STX8: variants seen among roughly 807,000 people sequenced by gnomAD.
The protein encoded by STX8 is syntaxin-8.
In STX8, 23 loss-of-function variants were observed where a neutral mutation model predicts 37.5. The ratio of observed to expected loss-of-function variants is 0.61; its 90% CI spans 0.44 to 0.87. The LOEUF is 0.87. Among genes scored for constraint, STX8 ranks in the 40% least tolerant of loss-of-function variants. The probability of loss-of-function intolerance (pLI) is 0.00; values close to 1 mark genes in which losing one functional copy is unlikely to be tolerated. For synonymous variants in STX8, 115 were observed against 99.1 expected, an observed-to-expected ratio of 1.16 and a Z score of -0.95; for missense variants, 313 against 284.7, an observed-to-expected ratio of 1.10 and a Z score of -0.71.
intron 6 of STX8, among the ~76,000 whole-genome samples, chr17:9,458,428 C>T (rs576177372): frequency 2.6e-5 from 4 of 152,016 alleles, no homozygotes; most frequent in African/African-American, 7.3e-5. Context: ...GGATTACAGG[C>T]GTGAGCCACC....
At position 9,557,868 on chromosome 17, in the gene STX8, T is replaced by C. The variant is rs1907042602; in HGVS notation, c.118-340A>G. The stretch of plus-strand genomic sequence containing the variant: ...CCCCATTGATCCTATGTATCTACCT[T>C]GGAACCACGCAGGAAATTGTGTTCC... On this transcript the variant is annotated intron_variant, in intron 2 of 7. Transcript: ENST00000306357. 1.3e-5 allele frequency among the ~76,000 whole-genome samples: 2 copies of C among 152,172 alleles called. 1 individual carries two copies. The highest frequency in any genetic ancestry group is 4.1e-4 in the South Asian group (2 of 4,826).
chr17:9,339,556 A>C (rs1312572830), intron 7 of STX8, among the ~76,000 whole-genome samples: 1 of 152,136 alleles, frequency 6.6e-6, no homozygotes, highest in Non-Finnish European at 1.5e-5. Flanking sequence ...TGGGAGGCTG[A>C]GGCAGGGGAA....
chr17:9,491,132 C>T (rs923745814), intron 6 of STX8, among the ~76,000 whole-genome samples: 3 of 152,150 alleles, frequency 2.0e-5, no homozygotes, highest in Admixed American at 6.6e-5. Context: ...GGACATCTCC[C>T]GCCGGCATCT....
chr17:9,448,560 T>C (rs1402837883), intron 6 of STX8, among the ~76,000 whole-genome samples: 1 of 152,360 alleles, frequency 6.6e-6, no homozygotes, highest in East Asian at 1.9e-4. Context: ...AGAAAATACA[T>C]GTATTCGGTA....
At chr17:9,320,117 G>A (rs938239677) in intron 7 of STX8, among the ~76,000 whole-genome samples, 1 of 151,644 alleles carries the variant, frequency 6.6e-6, no homozygotes, top group East Asian at 1.9e-4. Flanking sequence ...GGCAGATCAC[G>A]AGGTCAGGAG....
intron 6 of STX8, among the ~76,000 whole-genome samples, chr17:9,383,880 C>T (rs530647601): frequency 1.1e-4 from 16 of 152,198 alleles, no homozygotes; most frequent in African/African-American, 3.6e-4. Flanking sequence ...AGCCATATTA[C>T]ATACTCAGAA....
chr17:9,572,338 A>G (rs1597752268), intron 1 of STX8, among the ~76,000 whole-genome samples: 2 of 152,196 alleles, frequency 1.3e-5, no homozygotes, highest in South Asian at 4.1e-4. Context: ...GGGAGGTGCC[A>G]ATGACCTATG....
chr17:9,321,457 G>A (rs191230772), intron 7 of STX8, among the ~76,000 whole-genome samples: 241 of 152,102 alleles, frequency 1.6e-3, no homozygotes, highest in Non-Finnish European at 2.7e-3. Flanking sequence ...TTGAACCCAG[G>A]AGGTGGAGTT....
chr17:9,514,879 C>T (rs374128185), intron 4 of STX8, among the ~76,000 whole-genome samples: 14 of 152,270 alleles, frequency 9.2e-5, no homozygotes, highest in African/African-American at 2.6e-4. Context: ...AATCACCCTT[C>T]GCTGTACACA....
intron 7 of STX8, among the ~76,000 whole-genome samples, chr17:9,302,481 AT>A (rs1908822409): frequency 6.6e-6 from 1 of 152,008 alleles, no homozygotes; most frequent in Non-Finnish European, 1.5e-5. Context: ...ACCTATTCTT[AT>A]TTTTTTCTAT....
At chr17:9,293,765 CTTT>C (rs541071064) in intron 7 of STX8, among the ~76,000 whole-genome samples, 7 of 144,900 alleles carry the variant, frequency 4.8e-5, no homozygotes, top group African/African-American at 1.5e-4. Context: ...ATTTATAGTA[CTTT>C]TTTTTTTTTT....
intron 7 of STX8, among the ~76,000 whole-genome samples, chr17:9,327,262 G>GA (rs1469456147): frequency 1.5e-4 from 23 of 149,656 alleles, no homozygotes; most frequent in African/African-American, 4.7e-4. Flanking sequence ...GAGGAAGGAG[G>GA]AGGAGGAAGG....
chr17:9,292,717 C>T (rs1908358582), intron 7 of STX8, among the ~76,000 whole-genome samples: 1 of 152,214 alleles, frequency 6.6e-6, no homozygotes, highest in Non-Finnish European at 1.5e-5. Context: ...CTTACTAGGG[C>T]TTGCAGAATC....
At chr17:9,386,331 C>T (rs1912013398) in intron 6 of STX8, among the ~76,000 whole-genome samples, 2 of 152,106 alleles carry the variant, frequency 1.3e-5, no homozygotes, top group African/African-American at 4.8e-5. Flanking sequence ...AGAAAACAAT[C>T]ATTATATGCT....
At chr17:9,431,427 TTTGTTGTTG>T (rs147664582) in intron 6 of STX8, among the ~76,000 whole-genome samples, 6 of 148,716 alleles carry the variant, frequency 4.0e-5, no homozygotes, top group South Asian at 2.1e-4. Flanking sequence ...TAGCAGGGTT[TTTGTTGTTG>T]TTGTTGTTGT....
chr17:9,414,374 C>G (rs56346530), intron 6 of STX8, among the ~76,000 whole-genome samples: 1 of 151,414 alleles, frequency 6.6e-6, no homozygotes, highest in Non-Finnish European at 1.5e-5. Flanking sequence ...CAAAATACAA[C>G]AAAAATGATT....
chr17:9,546,479 C>CATGCGCATGG (rs1555536141), intron 3 of STX8, among the ~76,000 whole-genome samples: 34 of 542 alleles, frequency 0.063, no homozygotes, highest in Non-Finnish European at 0.01. Context: ...GAATGCGGCG[C>CATGCGCATGG]GTGCGCATGA....
chr17:9,265,965 C>A (rs945936282), intron 7 of STX8, among the ~76,000 whole-genome samples: 3 of 152,152 alleles, frequency 2.0e-5, no homozygotes, highest in South Asian at 2.1e-4. Context: ...GCACACACCC[C>A]CTTTCCCTCG....
intron 7 of STX8, among the ~76,000 whole-genome samples, chr17:9,376,024 C>T (rs879402434): frequency 2.0e-5 from 3 of 152,132 alleles, no homozygotes; most frequent in East Asian, 3.8e-4. Context: ...ATAGTCCATA[C>T]AACTGAATTT....
Sources: gnomAD v4.1 joint callset for allele counts (sites outside exome capture counted in the v4.1 genomes callset) on GRCh38, gnomAD v4.1.1 for gene constraint, MANE v1.5 for transcripts, NCBI Gene and HGNC (gene_info 2026-07-23, HGNC 2026-07-21) for gene names.